KLF12: variants seen among roughly 807,000 people sequenced by gnomAD.
KLF12 encodes the protein KLF transcription factor 12, also known as Krueppel-like factor 12.
Under a neutral mutation model 37.8 loss-of-function variants are expected in KLF12, and 9 were observed. That is an observed-to-expected ratio of 0.24 (90% confidence interval 0.14 to 0.42). The LOEUF is 0.42. Among genes scored for constraint, KLF12 ranks in the 10% least tolerant of loss-of-function variants. KLF12 has a pLI of 1.00. For missense variants in KLF12, 411 were observed against 516.0 expected (o/e 0.80, Z 1.97); for synonymous variants, 208 against 202.1 (o/e 1.03, Z -0.25).
chr13:73,815,490 A>G (rs573531069), intron 4 of KLF12, among the ~76,000 whole-genome samples: 1 of 152,334 alleles, frequency 6.6e-6, no homozygotes, highest in African/African-American at 2.4e-5. Context: ...GAATTCAGCT[A>G]GGAACTCATA....
intron 3 of KLF12, among the ~76,000 whole-genome samples, chr13:73,908,273 TGCCTGTAGTCCCAA>T (rs1407070910): frequency 2.0e-5 from 3 of 149,464 alleles, no homozygotes; most frequent in East Asian, 4.0e-4. Flanking sequence ...TGGTAGTGCG[TGCCTGTAGTCCCAA>T]GCTACTCGGG....
rs186695940 is a variant in KLF12, at chr13:73,687,569, T to C, written c.*7921A>G. On this transcript the variant is annotated 3_prime_UTR_variant, in exon 8 of 8. Coordinates refer to ENST00000377669, the MANE Select transcript of KLF12 (RefSeq NM_007249.5). ...TAGGGCAAAAGCACTTTTTATGATT[T>C]TTTTTTTTGCCATATCTTTGGAGCA... The C allele has an allele frequency of 2.0e-5, 3 of 152,278 alleles. No homozygotes were observed. The East Asian group carries it at 5.8e-4, about 29-fold the overall frequency. The allele number at this position is 152,278 out of a possible 1,614,324, so 9.4% of individuals were successfully genotyped here. A position where few individuals can be genotyped will look rare whatever the true frequency, so the allele number is the denominator to read the frequency against.
the KLF12 span, among the ~76,000 whole-genome samples, chr13:74,296,434 G>A: frequency 6.6e-6 from 1 of 152,112 alleles, no homozygotes; most frequent in African/African-American, 2.4e-5. Flanking sequence ...GTGGGTTAGT[G>A]TCTTTATTAG....
chr13:73,985,865 A>T (rs796695959), intron 2 of KLF12, among the ~76,000 whole-genome samples: 14 of 152,292 alleles, frequency 9.2e-5, no homozygotes, highest in African/African-American at 3.4e-4. Flanking sequence ...AGTTCTTTGA[A>T]ATCTAAAGGA....
At chr13:74,241,699 A>G in the KLF12 span, among the ~76,000 whole-genome samples, 1 of 152,112 alleles carries the variant, frequency 6.6e-6, no homozygotes, top group Non-Finnish European at 1.5e-5. Context: ...TTCGGGTGGG[A>G]GTGACCCGAT....
At chr13:73,889,059 A>G (rs748208462) in intron 3 of KLF12, among the ~76,000 whole-genome samples, 2 of 152,228 alleles carry the variant, frequency 1.3e-5, no homozygotes, top group African/African-American at 2.4e-5. Context: ...AGACTTGCCA[A>G]CATCTCTTGA....
the KLF12 span, among the ~76,000 whole-genome samples, chr13:74,244,986 T>C: frequency 6.6e-6 from 1 of 152,110 alleles, no homozygotes; most frequent in South Asian, 2.1e-4. Flanking sequence ...TTAACATATT[T>C]AGGATTTGGA....
intron 1 of KLF12, among the ~76,000 whole-genome samples, chr13:74,002,733 G>T (rs550773737): frequency 6.6e-6 from 1 of 152,146 alleles, no homozygotes; most frequent in African/African-American, 2.4e-5. Flanking sequence ...ATTGAAGAAG[G>T]TCAACTCAAC....
At chr13:74,050,307 T>A (rs972247120) in intron 1 of KLF12, among the ~76,000 whole-genome samples, 1 of 152,198 alleles carries the variant, frequency 6.6e-6, no homozygotes, top group Non-Finnish European at 1.5e-5. Flanking sequence ...ATCGGTCTTG[T>A]ATAAATGTTA....
the KLF12 span, among the ~76,000 whole-genome samples, chr13:74,191,135 AT>A: frequency 1.5e-4 from 23 of 152,316 alleles, no homozygotes; most frequent in African/African-American, 5.5e-4. Flanking sequence ...GCTTCATTAT[AT>A]TGTGAACTCT....
At chr13:73,791,852 C>A (rs897391945) in intron 5 of KLF12, among the ~76,000 whole-genome samples, 3 of 152,186 alleles carry the variant, frequency 2.0e-5, no homozygotes, top group African/African-American at 7.2e-5. Flanking sequence ...AGAATACAAT[C>A]ATCAAAACAG....
At chr13:73,739,294 G>T (rs1333950370) in intron 6 of KLF12, among the ~76,000 whole-genome samples, 1 of 151,088 alleles carries the variant, frequency 6.6e-6, no homozygotes, top group Non-Finnish European at 1.5e-5. Flanking sequence ...TGTCTTAAAG[G>T]GTGTGGAAAG....
At chr13:73,892,309 T>C (rs891223710) in intron 3 of KLF12, among the ~76,000 whole-genome samples, 1 of 152,144 alleles carries the variant, frequency 6.6e-6, no homozygotes, top group African/African-American at 2.4e-5. Context: ...CTCACTTTTT[T>C]AGGATGAATT....
At position 73,943,373 on chromosome 13, in the gene KLF12, T is replaced by A. The variant is rs1280247927; in HGVS notation, c.123+608A>T. ...AGCCATAAATGTTCATTATAAAATC[T>A]ATGTCATTAAAAAAATATGCACTCA... On this transcript the variant is annotated intron_variant, in intron 3 of 7. Transcript: ENST00000377669. Among the ~76,000 whole-genome samples the A allele has an allele frequency of 3.3e-5, 5 of 152,200 alleles. No homozygotes were observed. The East Asian group carries it at 9.6e-4, about 29-fold the overall frequency.
intron 6 of KLF12, among the ~76,000 whole-genome samples, chr13:73,718,739 C>G (rs1452194886): frequency 6.6e-6 from 1 of 152,040 alleles, no homozygotes; most frequent in Non-Finnish European, 1.5e-5. Context: ...CAAAAACATA[C>G]AAAAATTAGC....
At chr13:74,301,366 A>G in the KLF12 span, among the ~76,000 whole-genome samples, 1 of 152,314 alleles carries the variant, frequency 6.6e-6, no homozygotes, top group South Asian at 2.1e-4. Context: ...AATTTCCATG[A>G]TGACAGTCCC....
At chr13:74,031,432 T>C (rs959119207) in intron 1 of KLF12, among the ~76,000 whole-genome samples, 1 of 152,160 alleles carries the variant, frequency 6.6e-6, no homozygotes, top group African/African-American at 2.4e-5. Flanking sequence ...TAGATAAATC[T>C]TAACTCTAGG....
chr13:74,053,733 T>C (rs1209794350), intron 1 of KLF12, among the ~76,000 whole-genome samples: 1 of 152,200 alleles, frequency 6.6e-6, no homozygotes, highest in African/African-American at 2.4e-5. Flanking sequence ...CAAGCTTGAA[T>C]TATTGCATGA....
At chr13:73,896,875 A>ACTT (rs1293060766) in intron 3 of KLF12, among the ~76,000 whole-genome samples, 1 of 152,166 alleles carries the variant, frequency 6.6e-6, no homozygotes, top group East Asian at 1.9e-4. Context: ...AGTATTTGGA[A>ACTT]CGTTGAAGAC....
Sources: gnomAD v4.1 joint callset for allele counts (sites outside exome capture counted in the v4.1 genomes callset) on GRCh38, gnomAD v4.1.1 for gene constraint, MANE v1.5 for transcripts, NCBI Gene and HGNC (gene_info 2026-07-23, HGNC 2026-07-21) for gene names.